The following GALNTL6 variants were observed in gnomAD, a reference collection of about 807,000 sequenced individuals.
GALNTL6 encodes polypeptide N-acetylgalactosaminyltransferase like 6, also known as polypeptide N-acetylgalactosaminyltransferase-like 6.
A neutral mutation model predicts 73.7 loss-of-function variants in GALNTL6; 46 were observed. That is an observed-to-expected ratio of 0.62 (90% CI 0.49 to 0.80). The LOEUF (loss-of-function observed/expected upper bound fraction) is 0.80. Among genes scored for constraint, GALNTL6 ranks in the 30% least tolerant of loss-of-function variants. The pLI is 0.00. For synonymous variants in GALNTL6, 259 were observed against 263.7 expected (o/e 0.98, Z 0.17); for missense variants, 604 against 755.0 (o/e 0.80, Z 2.34).
intron 5 of GALNTL6, among the ~76,000 whole-genome samples, chr4:172,417,924 A>T (rs1579053223): frequency 6.6e-6 from 1 of 152,114 alleles, no homozygotes; most frequent in Non-Finnish European, 1.5e-5. Flanking sequence ...GAGGGTGAAA[A>T]ATTACTCAAG....
intron 2 of GALNTL6, among the ~76,000 whole-genome samples, chr4:172,224,378 CATATTTTCTTCCAAGGAACAA>C (rs1169044874): frequency 1.3e-5 from 2 of 152,122 alleles, no homozygotes; most frequent in Non-Finnish European, 2.9e-5. Flanking sequence ...TCTACTACAT[CATATTTTCTTCCAAGGAACAA>C]ATAGAATCAT....
intron 2 of GALNTL6, among the ~76,000 whole-genome samples, chr4:171,959,852 A>G (rs1355685623): frequency 1.3e-5 from 2 of 152,218 alleles, no homozygotes; most frequent in Non-Finnish European, 2.9e-5. Flanking sequence ...ATCTCCCTTT[A>G]TCCACACTCA....
At chr4:172,890,727 T>C (rs1745985927) in intron 8 of GALNTL6, among the ~76,000 whole-genome samples, 2 of 152,188 alleles carry the variant, frequency 1.3e-5, no homozygotes, top group Non-Finnish European at 2.9e-5. Flanking sequence ...AAGTGTTGGA[T>C]TTAAGTCCAG....
chr4:172,843,920 G>T (rs964832557), intron 7 of GALNTL6, among the ~76,000 whole-genome samples: 1 of 152,116 alleles, frequency 6.6e-6, no homozygotes, highest in South Asian at 2.1e-4. Context: ...TTAGCCAGGC[G>T]TGGTGGTGCA....
At chr4:172,944,068 T>C (rs1749039135) in intron 9 of GALNTL6, among the ~76,000 whole-genome samples, 1 of 151,900 alleles carries the variant, frequency 6.6e-6, no homozygotes, top group African/African-American at 2.4e-5. Flanking sequence ...AGAAGAAAAA[T>C]TTTTTGAGAT....
chr4:172,426,154 G>T (rs1731219766), intron 5 of GALNTL6, among the ~76,000 whole-genome samples: 1 of 152,038 alleles, frequency 6.6e-6, no homozygotes, highest in Non-Finnish European at 1.5e-5. Flanking sequence ...CTCAAAGACT[G>T]GTTCTTTAAG....
intron 11 of GALNTL6, 51 bp downstream of exon 11, chr4:173,009,345 GCAGACA>G: frequency 9.4e-7 from 1 of 1,061,554 alleles, no homozygotes; most frequent in Non-Finnish European, 1.5e-6. Context: ...GGGGGCTGAT[GCAGACA>G]CAGAGGGATG....
At chr4:171,960,007 TTG>T (rs1739174934) in intron 2 of GALNTL6, among the ~76,000 whole-genome samples, 1 of 152,232 alleles carries the variant, frequency 6.6e-6, no homozygotes. Context: ...AACAATTTAG[TTG>T]TCTAATCACT....
chr4:171,912,144 T>C (rs1289742960), intron 2 of GALNTL6, among the ~76,000 whole-genome samples: 3 of 152,144 alleles, frequency 2.0e-5, no homozygotes, highest in Admixed American at 6.5e-5. Context: ...CTAAAGGAAA[T>C]TAAAGAAAAT....
chr4:171,821,827 T>G (rs931450421), intron 2 of GALNTL6, among the ~76,000 whole-genome samples: 5 of 152,062 alleles, frequency 3.3e-5, no homozygotes, highest in African/African-American at 9.7e-5. Flanking sequence ...GGAGGACTGT[T>G]GAATAAGCCA....
At chr4:173,028,894 C>T (rs567587096) in intron 12 of GALNTL6, among the ~76,000 whole-genome samples, 1 of 152,192 alleles carries the variant, frequency 6.6e-6, no homozygotes, top group African/African-American at 2.4e-5. Flanking sequence ...AAGGCACCTG[C>T]CAGGCTAAAT....
At chr4:172,069,377 A>ATG (rs762253517) in intron 2 of GALNTL6, among the ~76,000 whole-genome samples, 3 of 96,354 alleles carry the variant, frequency 3.1e-5, no homozygotes, top group African/African-American at 1.2e-4. Context: ...GTGTATATAT[A>ATG]TGTGTGTGTA....
intron 5 of GALNTL6, among the ~76,000 whole-genome samples, chr4:172,568,178 G>A (rs1421465736): frequency 1.3e-5 from 2 of 152,134 alleles, no homozygotes; most frequent in African/African-American, 4.8e-5. Flanking sequence ...TTTGAAACGA[G>A]TCTCCTCAGT....
chr4:172,160,050 G>A (rs1734403157), intron 2 of GALNTL6, among the ~76,000 whole-genome samples: 1 of 152,076 alleles, frequency 6.6e-6, no homozygotes, highest in African/African-American at 2.4e-5. Context: ...AGGGAGAAAT[G>A]ATTTACTGGA....
At chr4:172,400,265 C>T (rs574025876) in intron 5 of GALNTL6, among the ~76,000 whole-genome samples, 6 of 152,218 alleles carry the variant, frequency 3.9e-5, no homozygotes, top group African/African-American at 1.2e-4. Flanking sequence ...TTCTCTGGCA[C>T]TTACCTATTA....
intron 8 of GALNTL6, among the ~76,000 whole-genome samples, chr4:172,921,433 A>C (rs1307631336): frequency 6.6e-6 from 1 of 152,202 alleles, no homozygotes; most frequent in Non-Finnish European, 1.5e-5. Flanking sequence ...TGGCTGATAT[A>C]GAAAATTGTT....
At chr4:172,737,778 A>G (rs1035903794) in intron 5 of GALNTL6, among the ~76,000 whole-genome samples, 1 of 152,114 alleles carries the variant, frequency 6.6e-6, no homozygotes, top group South Asian at 2.1e-4. Flanking sequence ...TTGCTTAGCA[A>G]TTCTTTACTA....
At chr4:172,979,600 T>C (rs78618715) in intron 10 of GALNTL6, among the ~76,000 whole-genome samples, 323 of 152,338 alleles carry the variant, frequency 2.1e-3, no homozygotes, top group Middle Eastern at 0.017. Context: ...AAGTGAACTA[T>C]AAAATTGCTT....
At chr4:172,709,403 A>G (rs1261190032) in intron 5 of GALNTL6, among the ~76,000 whole-genome samples, 2 of 152,194 alleles carry the variant, frequency 1.3e-5, no homozygotes, top group Admixed American at 1.3e-4. Flanking sequence ...GTAGTTCAGA[A>G]AAGTGCTTTG....
Sources: gnomAD v4.1 joint callset for allele counts (sites outside exome capture counted in the v4.1 genomes callset) on GRCh38, gnomAD v4.1.1 for gene constraint, MANE v1.5 for transcripts, NCBI Gene and HGNC (gene_info 2026-07-23, HGNC 2026-07-21) for gene names.